The following UNC5B variants were observed in gnomAD, a reference collection of about 807,000 sequenced individuals.
UNC5B encodes unc-5 netrin receptor B, also known as netrin receptor UNC5B.
A neutral mutation model predicts 103.7 loss-of-function variants in UNC5B; 56 were observed. The ratio of observed to expected loss-of-function variants is 0.54; its 90% confidence interval spans 0.44 to 0.67. The LOEUF is 0.67. UNC5B is among the 30% of genes least tolerant of loss of function. UNC5B has a pLI of 0.00. For missense variants in UNC5B, 1,194 were observed against 1,284.5 expected, an observed-to-expected ratio of 0.93 and a Z score of 1.08; for synonymous variants, 577 against 542.0, an observed-to-expected ratio of 1.06 and a Z score of -0.90.
chr10:71,250,001 G>A lies in UNC5B; in HGVS notation c.80-29820G>A, dbSNP rs542174038. On this transcript the variant is annotated intron_variant, in intron 1 of 16. Transcript: ENST00000335350. ...CAGGAGAACAGCCCAGAGGAGCTAA[G>A]TGGAAAGTGTGTGGCCACAGGTGCC... is the stretch of plus-strand genomic sequence containing the variant. Among the ~76,000 whole-genome samples, 73 of 152,340 alleles carry A rather than the reference G, an allele frequency of 4.8e-4. No individual in the cohort carries two copies. The South Asian group carries it at 9.7e-3, about 20-fold the overall frequency.
chr10:71,242,982 C>T (rs527747812), intron 1 of UNC5B, among the ~76,000 whole-genome samples: 1 of 152,250 alleles, frequency 6.6e-6, no homozygotes, highest in East Asian at 1.9e-4. Context: ...CCTGTAATCC[C>T]AGCACTTTGG....
At position 71,291,050 on chromosome 10, in the gene UNC5B, A is replaced by G; in HGVS notation, c.1235A>G (p.Asp412Gly). 6.2e-7 allele frequency: 1 copy of G among 1,613,972 alleles called. No homozygotes were observed. Among genetic ancestry groups the G allele is most frequent in the Non-Finnish European group, 8.5e-7 (1 of 1,179,988 alleles). The change falls in exon 9 of 17, where the codon GAC (aspartate) becomes GGC (glycine). Residue 412 changes from aspartate (D) to glycine (G), a missense_variant. Physicochemically the swap from Asp to Gly is moderately conservative, Grantham distance 94. Transcript: ENST00000335350. ...NCRDFDTDITDSSAALTGGFH... is the reference protein window; with the variant it reads ...NCRDFDTDITGSSAALTGGFH... ...CGTGACTTCGACACAGACATCACTG[A>G]CTCATCTGCTGCCCTGACTGGTGGT...
At position 71,280,130 on chromosome 10, in the gene UNC5B, C is replaced by A. The variant is rs572499057; in HGVS notation, c.304+85C>A. 4 of 1,409,456 alleles carry A rather than the reference C, an allele frequency of 2.8e-6. No homozygotes were observed. In the East Asian group the frequency reaches 7.0e-5, roughly 25 times the overall value. The allele number at this position is 1,409,456 out of a possible 1,614,324, so 87.3% of individuals were successfully genotyped here. ...TAGCTCCATGTGAGACTTCACACAG[C>A]CATGGTGCCCCCTTGGATTAGCATT... On this transcript the variant is annotated intron_variant, in intron 2 of 16. Coordinates refer to ENST00000335350, the MANE Select transcript of UNC5B (RefSeq NM_170744.5).
chr10:71,290,537 T>A (rs1469777279), intron 8 of UNC5B, among the ~76,000 whole-genome samples: 1 of 152,162 alleles, frequency 6.6e-6, no homozygotes, highest in Non-Finnish European at 1.5e-5. Context: ...CCTTTGGTCC[T>A]CTGGAAATTG....
chr10:71,301,264 C>T lies in UNC5B; in HGVS notation c.*1987C>T, dbSNP rs1845579151. On this transcript the variant is annotated 3_prime_UTR_variant, in exon 17 of 17. Transcript: ENST00000335350. ...CCAGCCAGCGTCCCCAGCCTGGCTT[C>T]CCTGCCATGGACTCAGTAGCTCGTG... 6.6e-6 allele frequency: 1 copy of T among 152,282 alleles called. No homozygotes were observed. Among genetic ancestry groups the T allele is most frequent in the Admixed American group, 6.5e-5 (1 of 15,288 alleles). The allele number at this position is 152,282 out of a possible 1,614,324, so 9.4% of individuals were successfully genotyped here.
At chr10:71,228,053 A>C (rs1018427063) in intron 1 of UNC5B, among the ~76,000 whole-genome samples, 1 of 152,246 alleles carries the variant, frequency 6.6e-6, no homozygotes, top group African/African-American at 2.4e-5. Flanking sequence ...AATTAGACCC[A>C]AATGTCTACG....
chr10:71,263,626 A>G (rs4747142), intron 1 of UNC5B, among the ~76,000 whole-genome samples: 142,315 of 152,274 alleles, frequency 0.93, 66,530 homozygotes, highest in Middle Eastern at 0.98. Flanking sequence ...CGGCAGTGAC[A>G]GCGGCTGGGA....
At chr10:71,215,678 C>G (rs1843314290) in intron 1 of UNC5B, among the ~76,000 whole-genome samples, 1 of 152,200 alleles carries the variant, frequency 6.6e-6, no homozygotes, top group South Asian at 2.1e-4. Context: ...CCTTTCAGCC[C>G]TTCCTGGAGC....
At position 71,212,765 on chromosome 10, in the gene UNC5B, C is replaced by T. The variant is rs1414351255; in HGVS notation, c.-221C>T. The T allele has an allele frequency of 1.1e-5, 4 of 356,902 alleles. No homozygotes were observed. In the Admixed American group the frequency reaches 1.9e-4, roughly 17 times the overall value. 22.1% of individuals were successfully genotyped at this position (356,902 alleles called of 1,614,324 possible). ...CCGGAGCCAGAGGGGCGCGCCGGAG[C>T]CTCGTTCGAGAGCCGGCGCCAGGCA... On this transcript the variant is annotated 5_prime_UTR_variant, in exon 1 of 17. Transcript: ENST00000335350.
chr10:71,245,538 C>T (rs1022133637), intron 1 of UNC5B, among the ~76,000 whole-genome samples: 1 of 152,182 alleles, frequency 6.6e-6, no homozygotes, highest in Non-Finnish European at 1.5e-5. Context: ...CGGGGAGAGG[C>T]AGCCCAGCTA....
Position 71,213,916 on chromosome 10 carries a change from C to T in UNC5B, c.79+852C>T, listed in dbSNP as rs1393683149. ...GATGACTTCAGCGAACTGGTGGGCT[C>T]CGAAATAAAGTCCCTAACCCTCCTC... On this transcript the variant is annotated intron_variant, in intron 1 of 16. Transcript: ENST00000335350. This position sits in a 1 kb window ranked among gnomAD's most constrained non-coding sequence, Gnocchi z 4.1. 6.6e-6 allele frequency among the ~76,000 whole-genome samples: 1 copy of T among 151,800 alleles called. No individual in the cohort carries two copies. The highest frequency in any genetic ancestry group is 1.5e-5 in the Non-Finnish European group (1 of 67,974).
rs1843814988 is a variant in UNC5B, at chr10:71,238,151, CT to C, written c.79+25088del. On this transcript the variant is annotated intron_variant, in intron 1 of 16. Transcript: ENST00000335350. Reference sequence around the variant, plus strand: ...AAAACTAGAGGTGCTGGGAGCCCCCCTGCCCTGGGTGGAAAGCCCGTTTCCT... The same window carrying C: ...AAAACTAGAGGTGCTGGGAGCCCCCCGCCCTGGGTGGAAAGCCCGTTTCCT... 2.0e-5 allele frequency among the ~76,000 whole-genome samples: 3 copies of C among 152,204 alleles called. No homozygotes were observed. The South Asian group carries it at 6.2e-4, about 32-fold the overall frequency.
chr10:71,281,509 T>G (rs1013157904), intron 2 of UNC5B, among the ~76,000 whole-genome samples: 1 of 152,020 alleles, frequency 6.6e-6, no homozygotes, highest in African/African-American at 2.4e-5. Context: ...CCAGGCTAAT[T>G]TTTTGTATTT....
chr10:71,265,159 AC>A (rs1322641488), intron 1 of UNC5B, among the ~76,000 whole-genome samples: 1 of 152,170 alleles, frequency 6.6e-6, no homozygotes, highest in African/African-American at 2.4e-5. Flanking sequence ...TATTCCAAGT[AC>A]TTGGCGCAGA....
In UNC5B at chr10:71,297,986, C is replaced by A. The variant is rs528551610; in HGVS notation, c.2568C>A (p.Phe856Leu). The A allele has an allele frequency of 2.1e-5, 34 of 1,614,036 alleles. No homozygotes were observed. In the South Asian group the frequency reaches 3.7e-4, roughly 18 times the overall value. The part of the protein sequence containing the change: ...TVTTQLGPYA[F>L]KIPLSIRQKI... ...CCACCCAGCTGGGACCTTATGCCTT[C>A]AAGATCCCACTGTCCATCCGCCAGA... Residue 856 changes from phenylalanine (F) to leucine (L), a missense_variant, in exon 16 of 17, where the codon TTC (phenylalanine) becomes TTA (leucine). Phe to Leu is a conservative substitution (Grantham distance 22). Transcript: ENST00000335350.
chr10:71,272,444 G>C (rs1370915735), intron 1 of UNC5B, among the ~76,000 whole-genome samples: 8 of 152,154 alleles, frequency 5.3e-5, no homozygotes, highest in African/African-American at 1.7e-4. Flanking sequence ...GACCACAGCA[G>C]CCTCCCTCTG....
At chr10:71,262,124 C>G (rs1844427840) in intron 1 of UNC5B, among the ~76,000 whole-genome samples, 1 of 152,136 alleles carries the variant, frequency 6.6e-6, no homozygotes, top group African/African-American at 2.4e-5. Context: ...CTCCTGGTCC[C>G]TTCCTTTAAC....
chr10:71,277,882 G>A (rs1394582794), intron 1 of UNC5B, among the ~76,000 whole-genome samples: 1 of 152,222 alleles, frequency 6.6e-6, no homozygotes, highest in Non-Finnish European at 1.5e-5. Context: ...GTCCCTTGAT[G>A]AGAGAGCCCT....
At chr10:71,248,366 C>T (rs546524246) in intron 1 of UNC5B, among the ~76,000 whole-genome samples, 32 of 152,250 alleles carry the variant, frequency 2.1e-4, no homozygotes, top group African/African-American at 7.2e-4. Context: ...TGGAGAAAAG[C>T]CCCCCGCACC....
Sources: allele counts gnomAD v4.1 joint callset (sites outside exome capture counted in the v4.1 genomes callset), GRCh38; gene constraint gnomAD v4.1.1; non-coding constraint Gnocchi (gnomAD v3.1); transcripts MANE v1.5; gene names NCBI Gene and HGNC (gene_info 2026-07-23, HGNC 2026-07-21).